The following CSMD2 variants were observed in gnomAD, a reference collection of about 807,000 sequenced individuals.
CSMD2 encodes the protein CUB and sushi domain-containing protein 2.
Under a neutral mutation model 398.5 loss-of-function variants are expected in CSMD2, and 130 were observed. The ratio of observed to expected loss-of-function variants is 0.33; its 90% CI spans 0.28 to 0.38. The LOEUF (loss-of-function observed/expected upper bound fraction) is 0.38, where lower values mean the gene tolerates loss of function less well. Ranked by LOEUF, CSMD2 falls within the 10% of genes least tolerant of loss-of-function variation. CSMD2 has a pLI of 1.00. For missense variants in CSMD2, 3,829 were observed against 4,764.9 expected (o/e 0.80, Z 5.78); for synonymous variants, 1,828 against 1,908.5 (o/e 0.96, Z 1.10).
intron 62 of CSMD2, among the ~76,000 whole-genome samples, chr1:33,534,109 C>G (rs1329531092): frequency 1.3e-5 from 2 of 152,136 alleles, no homozygotes; most frequent in Non-Finnish European, 2.9e-5. Context: ...CATCTAATAC[C>G]CTGAACAAAG....
chr1:34,027,821 G>A (rs1269347641), intron 3 of CSMD2, among the ~76,000 whole-genome samples: 1 of 152,090 alleles, frequency 6.6e-6, no homozygotes, highest in Non-Finnish European at 1.5e-5. Context: ...TCATTGGAAT[G>A]GCAGAACTGA....
rs528631473 is a variant in CSMD2 at position 33,905,952 on chromosome 1, T to C, written c.920+12142A>G. 2.0e-5 allele frequency among the ~76,000 whole-genome samples: 3 copies of C among 152,344 alleles called. No individual in the cohort carries two copies. In the East Asian group the frequency reaches 5.8e-4, roughly 29 times the overall value. Reference sequence around the variant, plus strand: ...CCAATGAAATATGAGTTGGAAATTATGTATAGCATATCTGAGCTAGAGTGG... The same window carrying C: ...CCAATGAAATATGAGTTGGAAATTACGTATAGCATATCTGAGCTAGAGTGG... On this transcript the variant is annotated intron_variant, in intron 5 of 70. Coordinates refer to ENST00000373381, the MANE Select transcript of CSMD2 (RefSeq NM_001281956.2).
chr1:33,767,659 A>C (rs1650684724), intron 13 of CSMD2, among the ~76,000 whole-genome samples: 1 of 152,218 alleles, frequency 6.6e-6, no homozygotes. Flanking sequence ...GAAAATGTAA[A>C]GATTAGGAAG....
chr1:33,806,980 G>C (rs1656301788), intron 10 of CSMD2, among the ~76,000 whole-genome samples: 1 of 152,108 alleles, frequency 6.6e-6, no homozygotes, highest in Non-Finnish European at 1.5e-5. Flanking sequence ...GCTGATGAAA[G>C]ATACAATCCA....
chr1:34,152,505 C>A (rs1640419378), intron 1 of CSMD2, among the ~76,000 whole-genome samples: 1 of 152,126 alleles, frequency 6.6e-6, no homozygotes. Flanking sequence ...CTTTGGTGAG[C>A]AAACCTTCTT....
At chr1:33,643,744 C>G (rs558347547) in intron 29 of CSMD2, among the ~76,000 whole-genome samples, 1 of 152,198 alleles carries the variant, frequency 6.6e-6, no homozygotes, top group South Asian at 2.1e-4. Flanking sequence ...TAGACCCATT[C>G]CAGGAATCCA....
chr1:34,080,454 A>G (rs113627417), intron 2 of CSMD2, among the ~76,000 whole-genome samples: 40 of 152,246 alleles, frequency 2.6e-4, no homozygotes, highest in African/African-American at 9.1e-4. Flanking sequence ...AATACTGACA[A>G]AAAATGATCT....
In CSMD2 at chr1:33,864,381, G is replaced by A. The variant is rs780552620; in HGVS notation, c.921-17385C>T. On this transcript the variant is annotated intron_variant, in intron 5 of 70. Transcript: ENST00000373381. ...TGAAAAGGCCAAATATGAAGCCCTG[G>A]CCAAACTCGACAAAGCCCGATACCA... 31 of 1,613,966 alleles carry A rather than the reference G, an allele frequency of 1.9e-5. 1 individual carries two copies. In the Admixed American group the frequency reaches 3.7e-4, roughly 19 times the overall value.
At chr1:33,954,132 GTAT>G (rs1645090072) in intron 3 of CSMD2, among the ~76,000 whole-genome samples, 1 of 152,170 alleles carries the variant, frequency 6.6e-6, no homozygotes, top group Non-Finnish European at 1.5e-5. Flanking sequence ...CCTAGGGCTA[GTAT>G]TATCTCCTTC....
intron 1 of CSMD2, among the ~76,000 whole-genome samples, chr1:34,104,574 G>A (rs546992167): frequency 3.3e-5 from 5 of 152,294 alleles, no homozygotes; most frequent in African/African-American, 9.6e-5. Flanking sequence ...TTGAAGCCAC[G>A]CAATTAATGA....
At chr1:33,742,039 C>T (rs747305986) in intron 14 of CSMD2, among the ~76,000 whole-genome samples, 7 of 152,242 alleles carry the variant, frequency 4.6e-5, no homozygotes, top group Non-Finnish European at 1.0e-4. Flanking sequence ...CATACTCGCT[C>T]CTTTCTAGTG....
intron 24 of CSMD2, among the ~76,000 whole-genome samples, chr1:33,698,157 T>G (rs1297527947): frequency 6.6e-6 from 1 of 152,234 alleles, no homozygotes; most frequent in Non-Finnish European, 1.5e-5. Context: ...CTGTCTCTTG[T>G]CCTGTGACAC....
chr1:33,656,381 A>T (rs142931713), intron 27 of CSMD2, among the ~76,000 whole-genome samples: 80 of 152,352 alleles, frequency 5.3e-4, no homozygotes, highest in African/African-American at 1.8e-3. Context: ...TTCCCTACAC[A>T]GCAGAATACG....
chr1:33,541,224 C>T lies in CSMD2; in HGVS notation c.9363G>A (p.Gln3121=), dbSNP rs778653488. ...DFRYNKTVTY[Q]CVPGYMMESH... is the part of the protein sequence containing the mutation. ...ACTCCATCATATAGCCAGGGACACACTGATATGTCACAGTTTTGTTGTACC... is the reference window on the plus strand; with the variant it reads ...ACTCCATCATATAGCCAGGGACACATTGATATGTCACAGTTTTGTTGTACC... Residue 3121 remains glutamine (Q), a synonymous_variant, in exon 59 of 71, where the codon CAG becomes CAA. Transcript: ENST00000373381. 1.4e-5 allele frequency: 23 copies of T among 1,613,954 alleles called. No homozygotes were observed. The East Asian group carries it at 3.8e-4, about 27-fold the overall frequency.
chr1:33,744,691 T>C (rs1339284930), intron 13 of CSMD2, among the ~76,000 whole-genome samples: 2 of 152,158 alleles, frequency 1.3e-5, no homozygotes, highest in Non-Finnish European at 2.9e-5. Context: ...TTAGAACCTT[T>C]ATAATTATCT....
chr1:33,773,802 G>A (rs934055062), intron 12 of CSMD2, among the ~76,000 whole-genome samples: 1 of 152,132 alleles, frequency 6.6e-6, no homozygotes, highest in Non-Finnish European at 1.5e-5. Flanking sequence ...GGAGAGAGGG[G>A]CCCAGAGTCA....
In CSMD2 at chr1:33,568,856, G is replaced by GCTTT. The variant is rs1405027308; in HGVS notation, c.8131+517_8131+518insAAAG. 2.6e-5 allele frequency among the ~76,000 whole-genome samples: 4 copies of GCTTT among 152,214 alleles called. No individual in the cohort carries two copies. In the East Asian group the frequency reaches 7.8e-4, roughly 30 times the overall value. ...TTTTAGACTCCAGGGGTCCAAGAAA[G>GCTTT]GTGTGAGAGGAGACAGAACCATAGA... On this transcript the variant is annotated intron_variant, in intron 52 of 70. Coordinates refer to ENST00000373381, the MANE Select transcript of CSMD2 (RefSeq NM_001281956.2).
chr1:33,536,948 C>G, intron 62 of CSMD2, 74 bp downstream of exon 62: 1 of 1,453,922 alleles, frequency 6.9e-7, no homozygotes, highest in Non-Finnish European at 9.7e-7. Context: ...AGGAAGGTCT[C>G]TGGGTCCTCT....
chr1:34,120,691 C>G (rs1484209100), intron 1 of CSMD2, among the ~76,000 whole-genome samples: 1 of 152,090 alleles, frequency 6.6e-6, no homozygotes, highest in Non-Finnish European at 1.5e-5. Flanking sequence ...ATTACAGGTG[C>G]CTGCCACCAT....
Sources: allele counts gnomAD v4.1 joint callset (sites outside exome capture counted in the v4.1 genomes callset), GRCh38; gene constraint gnomAD v4.1.1; transcripts MANE v1.5; gene names NCBI Gene and HGNC (gene_info 2026-07-23, HGNC 2026-07-21).